Variants in ENTPD1 observed in about 807,000 individuals in gnomAD.
ENTPD1 encodes ATP diphosphohydrolase.
A neutral mutation model predicts 57.0 loss-of-function variants in ENTPD1; 33 were observed. The observed-to-expected ratio is 0.58, with a 90% CI of 0.44 to 0.77. ENTPD1 has a LOEUF of 0.77. Among genes scored for constraint, ENTPD1 ranks in the 30% least tolerant of loss-of-function variants. ENTPD1 has a pLI of 0.00. For missense variants in ENTPD1, 501 were observed against 603.4 expected (o/e 0.83, Z 1.78); for synonymous variants, 202 against 218.8 (o/e 0.92, Z 0.68).
At chr10:95,858,086 C>T (rs1220046589) in intron 7 of ENTPD1, among the ~76,000 whole-genome samples, 1 of 150,542 alleles carries the variant, frequency 6.6e-6, no homozygotes, top group Non-Finnish European at 1.5e-5. Flanking sequence ...TGAACCCGGA[C>T]GCAGAGCTTG....
chr10:95,826,651 T>A (rs2098378168), intron 2 of ENTPD1, among the ~76,000 whole-genome samples: 2 of 151,468 alleles, frequency 1.3e-5, no homozygotes, highest in Admixed American at 1.3e-4. Context: ...GTTGGATATC[T>A]CCTAGGAACT....
rs142622389 is a variant in ENTPD1, at chr10:95,717,549, G to A, written c.37+5556G>A. On this transcript the variant is annotated intron_variant, in intron 1 of 9. Transcript: ENST00000453258. ...GCTTTAGCCTAATTTGTATTCTAGC[G>A]AGCCCTCTTTACTACCTGATTGGTC... is the stretch of plus-strand genomic sequence containing the variant. Among the ~76,000 whole-genome samples the A allele has an allele frequency of 5.2e-3, 787 of 152,138 alleles. 6 individuals are homozygous for A. The highest frequency in any genetic ancestry group is 0.018 in the African/African-American group (728 of 41,500).
rs1010292279 is a variant in ENTPD1 at position 95,872,230 on chromosome 10, T to C, written c.*5847T>C. The C allele has an allele frequency of 1.0e-6, 1 of 985,356 alleles. No individual in the cohort carries two copies. The highest frequency in any genetic ancestry group is 1.2e-6 in the Non-Finnish European group (1 of 829,946). The allele number at this position is 985,356 out of a possible 1,614,324, so 61.0% of individuals were successfully genotyped here. A position where few individuals can be genotyped will look rare whatever the true frequency, so the allele number is the denominator to read the frequency against. ...TTTGCAAAGCACAGGCTTAATTTCA[T>C]TGCTGCTCAACTAAAACCACTGGTG... On this transcript the variant is annotated 3_prime_UTR_variant, in exon 10 of 10. Transcript: ENST00000371205.
chr10:95,735,887 G>GC (rs1262100094), intron 1 of ENTPD1, among the ~76,000 whole-genome samples: 1 of 152,038 alleles, frequency 6.6e-6, no homozygotes, highest in African/African-American at 2.4e-5. Flanking sequence ...ATGAGCCACT[G>GC]CCCCCGGCTG....
chr10:95,761,169 A>AAG (rs2098060351), intron 1 of ENTPD1, among the ~76,000 whole-genome samples: 1 of 152,076 alleles, frequency 6.6e-6, no homozygotes, highest in Non-Finnish European at 1.5e-5. Context: ...GGAAGGCCAA[A>AAG]ATCAAGGGCA....
Position 95,842,334 on chromosome 10 carries a change from T to C in ENTPD1, c.263-10T>C, listed in dbSNP as rs3181131. On this transcript the variant is annotated splice_polypyrimidine_tract_variant and intron_variant, in intron 3 of 9. Transcript: ENST00000371205. ...TTTAAAAGATTGTTATCTTCTACAT[T>C]TTTTCCTAGGTCCTGGAATCTCAAA... 0.54 allele frequency: 871,161 copies of C among 1,606,898 alleles called. 239,821 individuals carry two copies. The highest frequency in any genetic ancestry group is 0.68 in the Admixed American group (40,736 of 59,924).
At chr10:95,767,122 G>A (rs1373411780) in intron 1 of ENTPD1, among the ~76,000 whole-genome samples, 4 of 151,432 alleles carry the variant, frequency 2.6e-5, no homozygotes, top group Non-Finnish European at 5.9e-5. Context: ...ATTCCATCCT[G>A]GCTAACATGG....
intron 1 of ENTPD1, 190 bp downstream of exon 1, chr10:95,756,445 G>A (rs2098024837): frequency 1.5e-6 from 1 of 661,508 alleles, no homozygotes; most frequent in Non-Finnish European, 2.6e-6. Flanking sequence ...CAGAGTCCAG[G>A]GTTGCAGTCA....
chr10:95,874,636 A>G lies in ENTPD1; in HGVS notation c.*8253A>G, dbSNP rs1199615010. Among the ~76,000 whole-genome samples the G allele has an allele frequency of 6.6e-6, 1 of 152,234 alleles. No homozygotes were observed. The highest frequency in any genetic ancestry group is 1.5e-5 in the Non-Finnish European group (1 of 68,036). On this transcript the variant is annotated 3_prime_UTR_variant, in exon 10 of 10. Transcript: ENST00000371205. ...CACAGCTCCACTAGGCAGTGCCCCA[A>G]CAGGGACTCTGTGTGGGGGCTCTGC...
chr10:95,699,500 C>G, the ENTPD1 span, among the ~76,000 whole-genome samples: 4 of 151,026 alleles, frequency 2.6e-5, no homozygotes, highest in Admixed American at 2.6e-4. Flanking sequence ...TCCAGCTACC[C>G]AGGAGGCTGA....
chr10:95,737,093 G>C (rs1188838626), intron 1 of ENTPD1, among the ~76,000 whole-genome samples: 1 of 152,170 alleles, frequency 6.6e-6, no homozygotes, highest in Non-Finnish European at 1.5e-5. Flanking sequence ...TTTATGGGGG[G>C]TTAGGCAAAT....
rs2098474891 is a variant in ENTPD1, at chr10:95,866,666, A to G, written c.*283A>G. The G allele has an allele frequency of 2.4e-6, 3 of 1,263,384 alleles. No individual in the cohort carries two copies. The South Asian group carries it at 4.8e-5, about 20-fold the overall frequency. 78.3% of individuals were successfully genotyped at this position (1,263,384 alleles called of 1,614,324 possible). ...AGGTTTTAAAGACCTGACACCTTTC[A>G]TAATCTTTGCTTTATAAAAGAACAA... On this transcript the variant is annotated 3_prime_UTR_variant, in exon 10 of 10. Transcript: ENST00000371205.
intron 2 of ENTPD1, among the ~76,000 whole-genome samples, chr10:95,825,804 T>C (rs535523726): frequency 5.3e-5 from 8 of 152,252 alleles, no homozygotes; most frequent in African/African-American, 1.9e-4. Context: ...GGTCTTGATC[T>C]CCTGACCTTG....
chr10:95,823,194 T>C (rs1263329542), intron 1 of ENTPD1, 43 bp from the exon 2 acceptor site: 1 of 1,612,040 alleles, frequency 6.2e-7, no homozygotes, highest in Admixed American at 1.7e-5. Context: ...ATCAGTGTTT[T>C]TGATTTCTTG....
chr10:95,848,089 G>A (rs953949730), intron 7 of ENTPD1, among the ~76,000 whole-genome samples: 1 of 152,158 alleles, frequency 6.6e-6, no homozygotes, highest in Non-Finnish European at 1.5e-5. Flanking sequence ...AGGGGGTTGT[G>A]CCCAGGGGAC....
intron 7 of ENTPD1, among the ~76,000 whole-genome samples, chr10:95,856,120 G>T (rs573781100): frequency 5.6e-4 from 86 of 152,282 alleles, no homozygotes; most frequent in African/African-American, 1.9e-3. Flanking sequence ...ATATTTCTGG[G>T]AGGCTTTGTC....
intron 1 of ENTPD1, among the ~76,000 whole-genome samples, chr10:95,758,401 G>A (rs1245409410): frequency 6.6e-6 from 1 of 152,186 alleles, no homozygotes; most frequent in Non-Finnish European, 1.5e-5. Context: ...AACAGGGCCT[G>A]ATATATAGTA....
chr10:95,763,710 A>G (rs1013326736), intron 1 of ENTPD1, among the ~76,000 whole-genome samples: 3 of 41,900 alleles, frequency 7.2e-5, no homozygotes, highest in African/African-American at 4.7e-4. Flanking sequence ...CTTGTTTTAA[A>G]CCACTGAGTT....
intron 1 of ENTPD1, among the ~76,000 whole-genome samples, chr10:95,773,978 C>T (rs2140121289): frequency 6.6e-6 from 1 of 152,340 alleles, no homozygotes; most frequent in East Asian, 1.9e-4. Context: ...TATTTCTCCA[C>T]ATCCTCTCCA....
Sources: allele counts gnomAD v4.1 joint callset (sites outside exome capture counted in the v4.1 genomes callset), GRCh38; gene constraint gnomAD v4.1.1; transcripts MANE v1.5; gene names NCBI Gene and HGNC (gene_info 2026-07-23, HGNC 2026-07-21).